PIK3C3: variants seen among roughly 807,000 people sequenced by gnomAD.
PIK3C3 encodes the protein PI3-kinase type 3.
A neutral mutation model predicts 126.1 loss-of-function variants in PIK3C3; 95 were observed. That is an observed-to-expected ratio of 0.75 (90% CI 0.64 to 0.89). PIK3C3 has a LOEUF of 0.89. Among genes scored for constraint, PIK3C3 ranks in the 40% least tolerant of loss-of-function variants. The pLI, the probability that PIK3C3 is intolerant of heterozygous loss-of-function variation, is 0.00. For synonymous variants in PIK3C3, 374 were observed against 360.0 expected, an observed-to-expected ratio of 1.04 and a Z score of -0.44; for missense variants, 829 against 1,063.2, an observed-to-expected ratio of 0.78 and a Z score of 3.06.
chr18:41,997,203 C>T lies in PIK3C3; in HGVS notation c.984+473C>T, dbSNP rs576916889. The stretch of plus-strand genomic sequence containing the variant: ...GAAAATACGTATGCTTTTATAATAA[C>T]GAAACTACAGAATTCTAGACGAGAT... On this transcript the variant is annotated intron_variant, in intron 9 of 24. Coordinates refer to ENST00000262039, the MANE Select transcript of PIK3C3 (RefSeq NM_002647.4). Among the ~76,000 whole-genome samples the T allele has an allele frequency of 7.9e-5, 12 of 152,074 alleles. No homozygotes were observed. The East Asian group carries it at 2.1e-3, about 27-fold the overall frequency.
chr18:42,029,146 G>A (rs571812737), intron 14 of PIK3C3, among the ~76,000 whole-genome samples, 179 bp from the exon 15 acceptor site: 2 of 152,184 alleles, frequency 1.3e-5, no homozygotes, highest in East Asian at 1.9e-4. Context: ...TGGATTAGTG[G>A]TGTTTAACTA....
In PIK3C3 at chr18:41,973,449, T is replaced by C. The variant is rs189757039; in HGVS notation, c.531+2993T>C. On this transcript the variant is annotated intron_variant, in intron 4 of 24. Coordinates refer to ENST00000262039, the MANE Select transcript of PIK3C3 (RefSeq NM_002647.4). Reference sequence around the variant, plus strand: ...ACTCTCTTACTCTTTAGTTAATTAATTAATTAAGTTAGTTAATTTACTAAC... The same window carrying C: ...ACTCTCTTACTCTTTAGTTAATTAACTAATTAAGTTAGTTAATTTACTAAC... Among the ~76,000 whole-genome samples the C allele has an allele frequency of 9.3e-4, 141 of 152,190 alleles. 1 individual carries two copies. Among genetic ancestry groups the C allele is most frequent in the African/African-American group, 3.3e-3 (136 of 41,518 alleles).
intron 4 of PIK3C3, among the ~76,000 whole-genome samples, chr18:41,986,442 C>T (rs1376955040): frequency 6.6e-6 from 1 of 151,996 alleles, no homozygotes; most frequent in East Asian, 1.9e-4. Flanking sequence ...TGAAATAATA[C>T]CACCTGTTAT....
chr18:41,970,662 G>A, intron 4 of PIK3C3: 1 of 616,934 alleles, frequency 1.6e-6, no homozygotes, highest in South Asian at 2.0e-5. Flanking sequence ...TTACAGACTT[G>A]TATAATCATC....
chr18:42,056,351 G>A lies in PIK3C3; in HGVS notation c.2264-1532G>A, dbSNP rs146320261. Among the ~76,000 whole-genome samples the A allele has an allele frequency of 2.3e-3, 345 of 152,120 alleles. 1 individual carries two copies. The highest frequency in any genetic ancestry group is 7.5e-3 in the African/African-American group (312 of 41,510). ...CAAGAAGGATAGAAATATACTCTTC[G>A]TTTGTAAACAGTGATACATAGCCAA... is the stretch of plus-strand genomic sequence containing the variant. On this transcript the variant is annotated intron_variant, in intron 21 of 24. Transcript: ENST00000262039.
At chr18:42,049,151 C>G (rs943671719) in intron 20 of PIK3C3, 1 of 155,720 alleles carries the variant, frequency 6.4e-6, no homozygotes, top group African/African-American at 2.4e-5. Context: ...AACAATTTAA[C>G]CCTGCATTTA....
intron 20 of PIK3C3, among the ~76,000 whole-genome samples, chr18:42,048,135 C>T (rs1414775504): frequency 6.6e-6 from 1 of 152,204 alleles, no homozygotes; most frequent in African/African-American, 2.4e-5. Context: ...GTTATCATTG[C>T]ATTTAGCTGC....
rs188822645 is a variant in PIK3C3 at position 42,084,868 on chromosome 18, C to T, written c.*3731C>T. On this transcript the variant is annotated 3_prime_UTR_variant, in exon 25 of 25. Transcript: ENST00000262039. ...TGAGTTTTCCCAGGGGATTCCGATG[C>T]CTGCTAGATTTAACCAGTAGATGAG... is the stretch of plus-strand genomic sequence containing the variant. 14 of 152,324 alleles carry T rather than the reference C, an allele frequency of 9.2e-5. No homozygotes were observed. The East Asian group carries it at 2.7e-3, about 29-fold the overall frequency. The allele number at this position is 152,324 out of a possible 1,614,324, so 9.4% of individuals were successfully genotyped here.
intron 10 of PIK3C3, among the ~76,000 whole-genome samples, chr18:42,012,664 C>T (rs1982883390): frequency 6.6e-6 from 1 of 152,132 alleles, no homozygotes; most frequent in South Asian, 2.1e-4. Flanking sequence ...CCATCCTAAA[C>T]ATTAAAGAGT....
intron 19 of PIK3C3, among the ~76,000 whole-genome samples, chr18:42,041,604 G>A (rs552037120): frequency 7.2e-6 from 1 of 139,290 alleles, no homozygotes; most frequent in Non-Finnish European, 1.5e-5. Flanking sequence ...AAAAAAAAAA[G>A]GTATGTAATT....
intron 12 of PIK3C3, among the ~76,000 whole-genome samples, chr18:42,017,099 G>A (rs1173135979): frequency 6.6e-6 from 1 of 152,062 alleles, no homozygotes; most frequent in African/African-American, 2.4e-5. Context: ...AGAAAAGAGT[G>A]GCAATCATTT....
chr18:41,968,939 C>G (rs1232845181), intron 3 of PIK3C3, among the ~76,000 whole-genome samples: 2 of 151,578 alleles, frequency 1.3e-5, no homozygotes, highest in African/African-American at 4.8e-5. Context: ...TGCCTCAGCC[C>G]CCTAAAAACT....
chr18:41,998,272 T>G (rs535652495), intron 9 of PIK3C3, among the ~76,000 whole-genome samples: 1 of 152,162 alleles, frequency 6.6e-6, no homozygotes, highest in Non-Finnish European at 1.5e-5. Flanking sequence ...AAAGGAAATA[T>G]TCACTAACAG....
chr18:41,955,497 C>T (rs1267056234), intron 1 of PIK3C3, 138 bp downstream of exon 1: 4 of 682,192 alleles, frequency 5.9e-6, no homozygotes, highest in Non-Finnish European at 1.0e-5. Flanking sequence ...GGGCTGTAGC[C>T]AGGGAGGCGC....
At chr18:41,958,235 T>C (rs1203358355) in intron 2 of PIK3C3, among the ~76,000 whole-genome samples, 2 of 152,234 alleles carry the variant, frequency 1.3e-5, no homozygotes, top group Non-Finnish European at 2.9e-5. Context: ...CATGGCACAT[T>C]AGCAAGACCT....
chr18:42,056,829 A>G (rs1413385175), intron 21 of PIK3C3, among the ~76,000 whole-genome samples: 1 of 152,118 alleles, frequency 6.6e-6, no homozygotes, highest in East Asian at 1.9e-4. Context: ...AAGAGACTAT[A>G]GGGATGCTGC....
rs188415744 is a variant in PIK3C3 at position 42,043,852 on chromosome 18, G to T, written c.2188+35G>T. ...TCAGGCTATTACTTTCCATTGATCAGATAAAGAAGAGCAGGCCATCCTGAT... is the reference window on the plus strand; with the variant it reads ...TCAGGCTATTACTTTCCATTGATCATATAAAGAAGAGCAGGCCATCCTGAT... On this transcript the variant is annotated intron_variant, in intron 20 of 24. Transcript: ENST00000262039. 4 of 1,403,798 alleles carry T rather than the reference G, an allele frequency of 2.8e-6. No individual in the cohort carries two copies. In the African/African-American group the frequency reaches 5.7e-5, roughly 20 times the overall value. The allele number at this position is 1,403,798 out of a possible 1,614,324, so 87.0% of individuals were successfully genotyped here. A position where few individuals can be genotyped will look rare whatever the true frequency, so the allele number is the denominator to read the frequency against.
intron 13 of PIK3C3, among the ~76,000 whole-genome samples, chr18:42,021,469 C>T (rs1983317406): frequency 6.6e-6 from 1 of 152,132 alleles, no homozygotes. Flanking sequence ...GGATTAAACA[C>T]TAGATAAGAG....
At chr18:41,996,213 A>C (rs75114651) in intron 8 of PIK3C3, among the ~76,000 whole-genome samples, 196 of 152,282 alleles carry the variant, frequency 1.3e-3, no homozygotes, top group Middle Eastern at 0.01. Flanking sequence ...TATACTGTAT[A>C]CTTTCATGTC....
Sources: allele counts gnomAD v4.1 joint callset (sites outside exome capture counted in the v4.1 genomes callset), GRCh38; gene constraint gnomAD v4.1.1; transcripts MANE v1.5; gene names NCBI Gene and HGNC (gene_info 2026-07-23, HGNC 2026-07-21).